The following SORCS3 variants were observed in gnomAD, a reference collection of about 807,000 sequenced individuals.
The protein encoded by SORCS3 is sortilin related VPS10 domain containing receptor 3, also known as VPS10 domain-containing receptor SorCS3.
In SORCS3, 57 loss-of-function variants were observed where a neutral mutation model predicts 146.3. The observed-to-expected ratio is 0.39, with a 90% CI of 0.31 to 0.49. The LOEUF is 0.49. Ranked by LOEUF, SORCS3 falls within the 20% of genes least tolerant of loss-of-function variation. The pLI is 0.92. For missense variants in SORCS3, 1,341 were observed against 1,575.5 expected (o/e 0.85, Z 2.52); for synonymous variants, 653 against 618.5 (o/e 1.06, Z -0.83).
intron 3 of SORCS3, among the ~76,000 whole-genome samples, chr10:104,963,042 G>A (rs2054805250): frequency 6.6e-6 from 1 of 152,108 alleles, no homozygotes; most frequent in Admixed American, 6.5e-5. Context: ...TCCATTGAAT[G>A]GCTTTAGCTC....
chr10:104,967,309 A>G (rs1265153089), intron 3 of SORCS3, among the ~76,000 whole-genome samples: 1 of 152,204 alleles, frequency 6.6e-6, no homozygotes, highest in African/African-American at 2.4e-5. Flanking sequence ...TGTAATATAT[A>G]AAACACTAAA....
At chr10:104,828,726 G>A (rs2017967247) in intron 1 of SORCS3, among the ~76,000 whole-genome samples, 1 of 152,058 alleles carries the variant, frequency 6.6e-6, no homozygotes, top group African/African-American at 2.4e-5. Flanking sequence ...GTAAAACAAG[G>A]TACCTTTGTC....
chr10:105,031,504 A>T (rs952217573), intron 4 of SORCS3, among the ~76,000 whole-genome samples: 7 of 152,186 alleles, frequency 4.6e-5, no homozygotes, highest in African/African-American at 1.7e-4. Flanking sequence ...CATTGTTTTA[A>T]ACCCTAGCAG....
intron 2 of SORCS3, among the ~76,000 whole-genome samples, chr10:104,912,086 T>C (rs1316363555): frequency 6.6e-6 from 1 of 152,226 alleles, no homozygotes; most frequent in Non-Finnish European, 1.5e-5. Flanking sequence ...CAAAATCCCA[T>C]TGCAGTAGTC....
chr10:105,046,777 A>G (rs1589607966), intron 5 of SORCS3, among the ~76,000 whole-genome samples: 1 of 152,096 alleles, frequency 6.6e-6, no homozygotes, highest in South Asian at 2.1e-4. Flanking sequence ...CATCAATCTC[A>G]GGCTACAAGA....
intron 7 of SORCS3, among the ~76,000 whole-genome samples, chr10:105,120,432 T>C (rs1448859000): frequency 6.6e-6 from 1 of 152,158 alleles, no homozygotes; most frequent in Non-Finnish European, 1.5e-5. Flanking sequence ...ACAGTGTCAG[T>C]TACTATGCAA....
chr10:104,964,585 T>G (rs1177020224), intron 3 of SORCS3, among the ~76,000 whole-genome samples: 1 of 152,144 alleles, frequency 6.6e-6, no homozygotes, highest in African/African-American at 2.4e-5. Flanking sequence ...TGGCATGGAG[T>G]AAGGCCTCAG....
intron 11 of SORCS3, among the ~76,000 whole-genome samples, chr10:105,164,047 A>G (rs958018045): frequency 6.6e-6 from 1 of 152,170 alleles, no homozygotes; most frequent in African/African-American, 2.4e-5. Context: ...TGAATAATTC[A>G]AGAGACCTGG....
At chr10:104,952,378 T>C (rs1045181891) in intron 3 of SORCS3, among the ~76,000 whole-genome samples, 1 of 151,290 alleles carries the variant, frequency 6.6e-6, no homozygotes, top group East Asian at 2.0e-4. Flanking sequence ...CAGCATTGGC[T>C]TAACTTCTAA....
intron 7 of SORCS3, among the ~76,000 whole-genome samples, chr10:105,118,494 T>C (rs2055908603): frequency 6.6e-6 from 1 of 152,180 alleles, no homozygotes; most frequent in South Asian, 2.1e-4. Flanking sequence ...GGTGCTGCTA[T>C]AAAGATACCC....
intron 1 of SORCS3, among the ~76,000 whole-genome samples, chr10:104,796,410 T>C (rs978916861): frequency 2.0e-5 from 3 of 151,978 alleles, no homozygotes; most frequent in Non-Finnish European, 4.4e-5. Flanking sequence ...AGAGTGTCTT[T>C]AACACATTCC....
rs149011046 is a variant in SORCS3 at position 105,229,513 on chromosome 10, G to A, written c.2868+6264G>A. ...TTTTTGAATTTGCTTTTGTAGGGAG[G>A]GACTTTTTCCTGAAGATGTTTTTAT... On this transcript the variant is annotated intron_variant, in intron 20 of 26. Transcript: ENST00000369701. Among the ~76,000 whole-genome samples, 252 of 152,164 alleles carry A rather than the reference G, an allele frequency of 1.7e-3. 4 individuals are homozygous for A. Among genetic ancestry groups the A allele is most frequent in the Non-Finnish European group, 3.8e-4 (26 of 67,998 alleles).
At chr10:105,202,747 G>A (rs1228141312) in intron 16 of SORCS3, among the ~76,000 whole-genome samples, 1 of 152,052 alleles carries the variant, frequency 6.6e-6, no homozygotes, top group Non-Finnish European at 1.5e-5. Flanking sequence ...CTTTTAGGAG[G>A]GTCAAAAATC....
At chr10:104,643,117 G>C (rs2015447217) in intron 1 of SORCS3, among the ~76,000 whole-genome samples, 1 of 152,244 alleles carries the variant, frequency 6.6e-6, no homozygotes, top group East Asian at 1.9e-4. Flanking sequence ...GTTCAGATCA[G>C]AACCTGGCGT....
At chr10:104,891,049 G>A (rs572397532) in intron 2 of SORCS3, among the ~76,000 whole-genome samples, 3 of 152,240 alleles carry the variant, frequency 2.0e-5, no homozygotes, top group Non-Finnish European at 2.9e-5. Context: ...ATTTTATTGA[G>A]CTTTGTTCTG....
chr10:104,829,386 G>A (rs2017976301), intron 1 of SORCS3, among the ~76,000 whole-genome samples: 1 of 152,170 alleles, frequency 6.6e-6, no homozygotes, highest in Non-Finnish European at 1.5e-5. Context: ...GAATCTGGAA[G>A]CATGAGAAGG....
chr10:105,242,294 ATATT>A (rs1418183050), intron 20 of SORCS3, among the ~76,000 whole-genome samples: 3 of 135,488 alleles, frequency 2.2e-5, no homozygotes, highest in African/African-American at 8.3e-5. Context: ...GTTTATATAT[ATATT>A]TATACATATA....
At chr10:105,220,099 C>T (rs2056691489) in intron 19 of SORCS3, among the ~76,000 whole-genome samples, 1 of 152,124 alleles carries the variant, frequency 6.6e-6, no homozygotes, top group Non-Finnish European at 1.5e-5. Context: ...AAAAGGGGCA[C>T]TATTTGACAG....
chr10:104,872,223 A>G (rs951435586), intron 2 of SORCS3, among the ~76,000 whole-genome samples: 5 of 152,210 alleles, frequency 3.3e-5, no homozygotes, highest in Non-Finnish European at 7.3e-5. Flanking sequence ...TCAATTGTAC[A>G]TTAAATCATA....
Sources: gnomAD v4.1 joint callset for allele counts (sites outside exome capture counted in the v4.1 genomes callset) on GRCh38, gnomAD v4.1.1 for gene constraint, MANE v1.5 for transcripts, NCBI Gene and HGNC (gene_info 2026-07-23, HGNC 2026-07-21) for gene names.